The following NOS1AP variants were observed in gnomAD, a reference collection of about 807,000 sequenced individuals.
The protein encoded by NOS1AP is nitric oxide synthase 1 adaptor protein, also known as carboxyl-terminal PDZ ligand of neuronal nitric oxide synthase protein.
A neutral mutation model predicts 56.2 loss-of-function variants in NOS1AP; 21 were observed. The ratio of observed to expected loss-of-function variants is 0.37; its 90% confidence interval spans 0.26 to 0.54. The LOEUF (loss-of-function observed/expected upper bound fraction) is 0.54. Among genes scored for constraint, NOS1AP ranks in the 20% least tolerant of loss-of-function variants. NOS1AP has a pLI of 0.84. For synonymous variants in NOS1AP, 270 were observed against 274.6 expected, an observed-to-expected ratio of 0.98 and a Z score of 0.17; for missense variants, 522 against 657.8, an observed-to-expected ratio of 0.79 and a Z score of 2.26.
At chr1:162,127,088 T>C (rs1204824101) in intron 1 of NOS1AP, among the ~76,000 whole-genome samples, 1 of 152,188 alleles carries the variant, frequency 6.6e-6, no homozygotes, top group Non-Finnish European at 1.5e-5. Context: ...CAGTAAATCA[T>C]CTGCTTATAT....
chr1:162,311,294 T>C (rs1571209939), intron 4 of NOS1AP, among the ~76,000 whole-genome samples: 1 of 152,196 alleles, frequency 6.6e-6, no homozygotes, highest in Non-Finnish European at 1.5e-5. Context: ...GTTTTTTGCC[T>C]CCTTCTCTTT....
chr1:162,267,224 A>C (rs1654451784), intron 2 of NOS1AP, among the ~76,000 whole-genome samples: 1 of 152,180 alleles, frequency 6.6e-6, no homozygotes. Context: ...ATCTATCTCC[A>C]AACTAATGTT....
chr1:162,316,764 A>ACCTTCTTAAGGTGT (rs1656244340), intron 4 of NOS1AP: 1 of 152,766 alleles, frequency 6.5e-6, no homozygotes, highest in Non-Finnish European at 1.5e-5. Context: ...AATTACAAAG[A>ACCTTCTTAAGGTGT]ACCTTCTTAA....
At chr1:162,141,769 T>G (rs1197165610) in intron 1 of NOS1AP, among the ~76,000 whole-genome samples, 1 of 152,162 alleles carries the variant, frequency 6.6e-6, no homozygotes, top group Admixed American at 6.5e-5. Flanking sequence ...ATCTGAAAAA[T>G]CATTGCAAAA....
At chr1:162,306,217 T>A (rs1655820975) in intron 4 of NOS1AP, among the ~76,000 whole-genome samples, 1 of 152,130 alleles carries the variant, frequency 6.6e-6, no homozygotes, top group Non-Finnish European at 1.5e-5. Flanking sequence ...GGTGCAGAAG[T>A]CTCCGGAAGG....
chr1:162,127,317 A>G (rs1307474928), intron 1 of NOS1AP, among the ~76,000 whole-genome samples: 2 of 152,146 alleles, frequency 1.3e-5, no homozygotes, highest in African/African-American at 4.8e-5. Context: ...ATGACCTCGT[A>G]TTCTCCATCT....
chr1:162,102,102 T>G (rs1299716802), intron 1 of NOS1AP, among the ~76,000 whole-genome samples: 1 of 152,198 alleles, frequency 6.6e-6, no homozygotes, highest in South Asian at 2.1e-4. Flanking sequence ...GCTCTTATTA[T>G]TTTGAGGTAT....
rs1179937939 is a variant in NOS1AP, at chr1:162,368,393, C to T, written c.*926C>T. 1 of 150,886 alleles carries T rather than the reference C, an allele frequency of 6.6e-6. No individual in the cohort carries two copies. Among genetic ancestry groups the T allele is most frequent in the South Asian group, 2.1e-4 (1 of 4,790 alleles). 9.3% of individuals were successfully genotyped at this position (150,886 alleles called of 1,614,324 possible). On this transcript the variant is annotated 3_prime_UTR_variant, in exon 10 of 10. Coordinates refer to ENST00000361897, the MANE Select transcript of NOS1AP (RefSeq NM_014697.3). ...AGGACCAGAGCCCCCAGCCTTACCT[C>T]TCAACCTGTCCCCTCCACTGGGCAG...
chr1:162,307,935 G>C (rs933491261), intron 4 of NOS1AP, among the ~76,000 whole-genome samples: 7 of 152,172 alleles, frequency 4.6e-5, no homozygotes, highest in Admixed American at 4.6e-4. Context: ...GGGAAGAAGG[G>C]TTGCATGGAG....
At position 162,330,191 on chromosome 1, in the gene NOS1AP, A is replaced by G. The variant is rs183562884; in HGVS notation, c.345-2826A>G. ...AAGTTTTACGTATGATGCTGAACTAACTGGATCTGACTTCCTTGGGGAAAA... is the reference window on the plus strand; with the variant it reads ...AAGTTTTACGTATGATGCTGAACTAGCTGGATCTGACTTCCTTGGGGAAAA... On this transcript the variant is annotated intron_variant, in intron 4 of 9. Coordinates refer to ENST00000361897, the MANE Select transcript of NOS1AP (RefSeq NM_014697.3). 2.1e-4 allele frequency among the ~76,000 whole-genome samples: 32 copies of G among 152,328 alleles called. 1 individual carries two copies. Among genetic ancestry groups the G allele is most frequent in the Admixed American group, 1.9e-3 (29 of 15,302 alleles).
At chr1:162,146,644 G>A (rs1211481272) in intron 1 of NOS1AP, among the ~76,000 whole-genome samples, 1 of 152,172 alleles carries the variant, frequency 6.6e-6, no homozygotes. Flanking sequence ...TTCAAAGCTT[G>A]ACTTCCCATA....
intron 4 of NOS1AP, among the ~76,000 whole-genome samples, chr1:162,304,391 C>T (rs142848348): frequency 6.6e-6 from 1 of 152,358 alleles, no homozygotes; most frequent in East Asian, 1.9e-4. Context: ...ACTAGTACCA[C>T]ACTGTCTTGA....
Position 162,301,495 on chromosome 1 carries a change from A to G in NOS1AP, c.344+789A>G, listed in dbSNP as rs186757673. Among the ~76,000 whole-genome samples, 91 of 152,348 alleles carry G rather than the reference A, an allele frequency of 6.0e-4. 1 individual carries two copies. The highest frequency in any genetic ancestry group is 3.4e-3 in the Middle Eastern group (1 of 294). On this transcript the variant is annotated intron_variant, in intron 4 of 9. Coordinates refer to ENST00000361897, the MANE Select transcript of NOS1AP (RefSeq NM_014697.3). ...GCCAGCCAGTTTCTGGTATTTTATT[A>G]TAGCAGACCGAACCAACACACAACC... is the stretch of plus-strand genomic sequence containing the variant.
chr1:162,115,457 T>A (rs2102045016), intron 1 of NOS1AP, among the ~76,000 whole-genome samples: 1 of 152,064 alleles, frequency 6.6e-6, no homozygotes, highest in East Asian at 1.9e-4. Flanking sequence ...CCAACTGAAC[T>A]GGGAGTTGTT....
chr1:162,346,495 G>A (rs1657299681), intron 6 of NOS1AP, among the ~76,000 whole-genome samples: 1 of 152,162 alleles, frequency 6.6e-6, no homozygotes, highest in African/African-American at 2.4e-5. Flanking sequence ...TATTAAAAAT[G>A]TATAGATTTA....
At chr1:162,093,550 G>A (rs745474431) in intron 1 of NOS1AP, among the ~76,000 whole-genome samples, 7 of 152,156 alleles carry the variant, frequency 4.6e-5, no homozygotes, top group South Asian at 2.1e-4. Flanking sequence ...ATACTATGGC[G>A]CTTTATTTTA....
At position 162,226,366 on chromosome 1, in the gene NOS1AP, C is replaced by G. The variant is rs886964800; in HGVS notation, c.178-60978C>G. Among the ~76,000 whole-genome samples the G allele has an allele frequency of 2.0e-5, 3 of 152,302 alleles. No homozygotes were observed. The East Asian group carries it at 5.8e-4, about 29-fold the overall frequency. On this transcript the variant is annotated intron_variant, in intron 2 of 9. Transcript: ENST00000361897. ...TTAGCCTTGAGCAAAATGACACATT[C>G]CTTGGGCTGGTATTGTGGGGCAGCT...
At chr1:162,266,004 C>T (rs987534796) in intron 2 of NOS1AP, among the ~76,000 whole-genome samples, 1 of 152,112 alleles carries the variant, frequency 6.6e-6, no homozygotes, top group Non-Finnish European at 1.5e-5. Context: ...GACGAGGGGA[C>T]TAAGGAGAGA....
intron 8 of NOS1AP, chr1:162,364,111 A>T (rs1657987406): frequency 3.0e-6 from 3 of 985,418 alleles, no homozygotes; most frequent in Non-Finnish European, 3.6e-6. Flanking sequence ...TCCCTAAAAA[A>T]ATGTGAATCT....
Sources: allele counts gnomAD v4.1 joint callset (sites outside exome capture counted in the v4.1 genomes callset), GRCh38; gene constraint gnomAD v4.1.1; transcripts MANE v1.5; gene names NCBI Gene and HGNC (gene_info 2026-07-23, HGNC 2026-07-21).